Variants in HPSE2 observed in about 807,000 individuals in gnomAD.
HPSE2 encodes the protein inactive heparanase-2.
In HPSE2, 38 loss-of-function variants were observed where a neutral mutation model predicts 60.5. That is an observed-to-expected ratio of 0.63 (90% confidence interval 0.48 to 0.82). The LOEUF is 0.82. HPSE2 is among the 40% of genes least tolerant of loss of function. HPSE2 has a pLI of 0.00. For synonymous variants in HPSE2, 295 were observed against 293.2 expected (o/e 1.01, Z -0.06); for missense variants, 713 against 740.4 (o/e 0.96, Z 0.43).
intron 3 of HPSE2, among the ~76,000 whole-genome samples, chr10:98,762,270 C>A (rs1448701367): frequency 7.8e-6 from 1 of 128,516 alleles, no homozygotes; most frequent in East Asian, 2.2e-4. Flanking sequence ...CCCAGTCTCA[C>A]AGAACTGAAA....
chr10:98,836,652 A>G (rs1460016351), intron 3 of HPSE2, among the ~76,000 whole-genome samples: 1 of 152,230 alleles, frequency 6.6e-6, no homozygotes, highest in Non-Finnish European at 1.5e-5. Context: ...TGCTGACCAT[A>G]AGAATTTATT....
intron 9 of HPSE2, among the ~76,000 whole-genome samples, chr10:98,520,995 T>A (rs1409548392): frequency 1.3e-5 from 2 of 152,204 alleles, no homozygotes; most frequent in African/African-American, 4.8e-5. Flanking sequence ...TAATTCAAGA[T>A]GGATTAAAGA....
chr10:98,913,386 T>C (rs1212638343), intron 3 of HPSE2, among the ~76,000 whole-genome samples: 1 of 152,222 alleles, frequency 6.6e-6, no homozygotes, highest in African/African-American at 2.4e-5. Flanking sequence ...TTAATAGAAC[T>C]GTTGAGATCG....
At chr10:98,479,929 CA>C (rs1218171339) in intron 11 of HPSE2, among the ~76,000 whole-genome samples, 2 of 152,154 alleles carry the variant, frequency 1.3e-5, no homozygotes, top group Non-Finnish European at 2.9e-5. Flanking sequence ...GGTTTGATCA[CA>C]AAGATAAATG....
At chr10:98,834,701 T>C (rs1454580817) in intron 3 of HPSE2, among the ~76,000 whole-genome samples, 1 of 152,164 alleles carries the variant, frequency 6.6e-6, no homozygotes, top group Non-Finnish European at 1.5e-5. Context: ...GGTCCTTACA[T>C]TTCCAGCTAC....
chr10:98,842,314 T>C (rs1951933246), intron 3 of HPSE2, among the ~76,000 whole-genome samples: 1 of 152,156 alleles, frequency 6.6e-6, no homozygotes, highest in African/African-American at 2.4e-5. Context: ...ATATGTGTGC[T>C]TTACCTAGTA....
intron 3 of HPSE2, among the ~76,000 whole-genome samples, chr10:98,984,852 G>A (rs1222640239): frequency 6.6e-6 from 1 of 152,152 alleles, no homozygotes; most frequent in Non-Finnish European, 1.5e-5. Flanking sequence ...ATGCACAAGC[G>A]TCAGTAGCCA....
the HPSE2 span, among the ~76,000 whole-genome samples, chr10:99,262,211 T>C: frequency 6.6e-6 from 1 of 152,176 alleles, no homozygotes; most frequent in Admixed American, 6.5e-5. Flanking sequence ...CGTGTTTCCC[T>C]TGCCTCCATA....
At chr10:98,597,378 T>A (rs1212350499) in intron 9 of HPSE2, among the ~76,000 whole-genome samples, 1 of 152,008 alleles carries the variant, frequency 6.6e-6, no homozygotes, top group South Asian at 2.1e-4. Flanking sequence ...AATTAAAAAA[T>A]TTGTGGCCAT....
chr10:98,729,300 AT>A (rs201830322), intron 4 of HPSE2, among the ~76,000 whole-genome samples: 2 of 151,836 alleles, frequency 1.3e-5, no homozygotes, highest in Admixed American at 6.6e-5. Context: ...TGAAGGTAAA[AT>A]TTTTTTTTAA....
At chr10:98,880,886 T>C (rs1157482428) in intron 3 of HPSE2, among the ~76,000 whole-genome samples, 1 of 152,046 alleles carries the variant, frequency 6.6e-6, no homozygotes, top group Non-Finnish European at 1.5e-5. Flanking sequence ...TTTATTTTCT[T>C]AGTTTGTTTT....
chr10:98,963,760 A>G (rs1478709665), intron 3 of HPSE2, among the ~76,000 whole-genome samples: 4 of 152,146 alleles, frequency 2.6e-5, no homozygotes, highest in African/African-American at 9.6e-5. Context: ...CTCTAAGTGA[A>G]GAACATCAAT....
chr10:98,477,011 G>A (rs1941050568), intron 11 of HPSE2, among the ~76,000 whole-genome samples: 1 of 152,096 alleles, frequency 6.6e-6, no homozygotes, highest in African/African-American at 2.4e-5. Flanking sequence ...TTATAGTACT[G>A]GACTGTTGTT....
At chr10:98,583,835 T>C (rs1944868311) in intron 9 of HPSE2, among the ~76,000 whole-genome samples, 2 of 152,230 alleles carry the variant, frequency 1.3e-5, no homozygotes, top group African/African-American at 4.8e-5. Flanking sequence ...GCATGGAACT[T>C]TGTTCCTTTT....
chr10:99,047,575 AG>A lies in HPSE2; in HGVS notation c.610+96662del. The A allele has an allele frequency of 5.3e-6, 3 of 564,270 alleles. No individual in the cohort carries two copies. In the South Asian group the frequency reaches 7.2e-5, roughly 14 times the overall value. The allele number at this position is 564,270 out of a possible 1,614,324, so 35.0% of individuals were successfully genotyped here. Reference sequence around the variant, plus strand: ...ATATTCACAAACTTTGCATATGCCAAGGTCTAATAGCCAGAATCTATAAGGG... The same window carrying A: ...ATATTCACAAACTTTGCATATGCCAAGTCTAATAGCCAGAATCTATAAGGG... On this transcript the variant is annotated intron_variant, in intron 3 of 11. Coordinates refer to ENST00000370552, the MANE Select transcript of HPSE2 (RefSeq NM_021828.5).
chr10:98,949,765 TTAAG>T (rs1348855025), intron 3 of HPSE2, among the ~76,000 whole-genome samples: 23 of 152,188 alleles, frequency 1.5e-4, no homozygotes, highest in African/African-American at 5.5e-4. Flanking sequence ...TTCAAAAAAA[TTAAG>T]TAAGATTATG....
intron 5 of HPSE2, among the ~76,000 whole-genome samples, chr10:98,716,441 A>AT (rs1214406835): frequency 8.9e-4 from 91 of 102,212 alleles, no homozygotes; most frequent in Non-Finnish European, 1.1e-3. Flanking sequence ...TATAATAATA[A>AT]AAAATAAATA....
At chr10:98,778,613 C>T (rs1470892793) in intron 3 of HPSE2, among the ~76,000 whole-genome samples, 2 of 152,054 alleles carry the variant, frequency 1.3e-5, no homozygotes, top group African/African-American at 2.4e-5. Context: ...TGACTGAGCC[C>T]TGCTTCTGGT....
intron 6 of HPSE2, among the ~76,000 whole-genome samples, chr10:98,647,383 T>C (rs1468741818): frequency 6.6e-6 from 1 of 152,248 alleles, no homozygotes; most frequent in Non-Finnish European, 1.5e-5. Context: ...CTTTATTATC[T>C]GACCCCTTCT....
Sources: gnomAD v4.1 joint callset for allele counts (sites outside exome capture counted in the v4.1 genomes callset) on GRCh38, gnomAD v4.1.1 for gene constraint, MANE v1.5 for transcripts, NCBI Gene and HGNC (gene_info 2026-07-23, HGNC 2026-07-21) for gene names.